Variants in ITGBL1 observed in about 807,000 individuals in gnomAD.
The protein encoded by ITGBL1 is integrin beta-like protein 1.
In ITGBL1, 51 loss-of-function variants were observed where a neutral mutation model predicts 68.5. The ratio of observed to expected loss-of-function variants is 0.74; its 90% confidence interval spans 0.59 to 0.94. The LOEUF (loss-of-function observed/expected upper bound fraction) is 0.94. Ranked by LOEUF, ITGBL1 falls within the 40% of genes least tolerant of loss-of-function variation. ITGBL1 has a pLI of 0.00. For missense variants in ITGBL1, 649 were observed against 647.4 expected, an observed-to-expected ratio of 1.00 and a Z score of -0.03; for synonymous variants, 209 against 227.3, an observed-to-expected ratio of 0.92 and a Z score of 0.72.
At chr13:101,646,727 A>G (rs1312596028) in intron 7 of ITGBL1, among the ~76,000 whole-genome samples, 8 of 152,158 alleles carry the variant, frequency 5.3e-5, no homozygotes, top group African/African-American at 1.2e-4. Flanking sequence ...AAAATCTAAT[A>G]AGAGAATTAA....
Position 101,551,996 on chromosome 13 carries a change from A to G in ITGBL1, c.317-15703A>G, listed in dbSNP as rs1248954072. Among the ~76,000 whole-genome samples, 4 of 152,054 alleles carry G rather than the reference A, an allele frequency of 2.6e-5. No individual in the cohort carries two copies. The East Asian group carries it at 7.7e-4, about 29-fold the overall frequency. ...GAACTGATCATATTTTCATGGGAAG[A>G]TATTCCTTTTTGTCGAAGTGATTTC... is the stretch of plus-strand genomic sequence containing the variant. On this transcript the variant is annotated intron_variant, in intron 2 of 10. Coordinates refer to ENST00000376180, the MANE Select transcript of ITGBL1 (RefSeq NM_004791.3).
intron 7 of ITGBL1, among the ~76,000 whole-genome samples, chr13:101,605,060 G>A (rs1405395918): frequency 7.0e-6 from 1 of 142,640 alleles, no homozygotes; most frequent in East Asian, 2.1e-4. Context: ...GTGTATATGT[G>A]TATATGTGTA....
At chr13:101,658,931 C>G (rs2033006011) in intron 7 of ITGBL1, among the ~76,000 whole-genome samples, 1 of 151,714 alleles carries the variant, frequency 6.6e-6, no homozygotes, top group South Asian at 2.1e-4. Flanking sequence ...AACTTTGACA[C>G]CATGGTGTAC....
rs374252386 is a variant in ITGBL1, at chr13:101,714,448, T to A, written c.1290T>A (p.His430Gln). The change falls in exon 10 of 11, where the codon CAT becomes CAA. Residue 430 changes from histidine (H) to glutamine (Q), a missense_variant. Coordinates refer to ENST00000376180, the MANE Select transcript of ITGBL1 (RefSeq NM_004791.3). The stretch of plus-strand genomic sequence containing the variant: ...CCTTTGTAATTTCAGGTTCTTGTCA[T>A]TGTGGGAAGTGCATTTGTTCTGCTG... ...GILCSGKGSCHCGKCICSAEE... is the reference protein window; with the variant it reads ...GILCSGKGSCQCGKCICSAEE... The A allele has an allele frequency of 6.2e-7, 1 of 1,600,382 alleles. No homozygotes were observed. Among genetic ancestry groups the A allele is most frequent in the African/African-American group, 1.3e-5 (1 of 74,700 alleles).
At chr13:101,708,026 A>AACACACACAC (rs3062945) in intron 9 of ITGBL1, among the ~76,000 whole-genome samples, 57 of 144,438 alleles carry the variant, frequency 3.9e-4, no homozygotes, top group African/African-American at 4.6e-4. Flanking sequence ...CACACATGCA[A>AACACACACAC]ACACACACAC....
chr13:101,682,836 G>T (rs758341841), intron 7 of ITGBL1, among the ~76,000 whole-genome samples: 160 of 151,844 alleles, frequency 1.1e-3, no homozygotes, highest in Admixed American at 2.9e-3. Flanking sequence ...TATTAATATT[G>T]TCCTTTATAT....
At chr13:101,564,940 A>C (rs1252329139) in intron 2 of ITGBL1, among the ~76,000 whole-genome samples, 1 of 152,112 alleles carries the variant, frequency 6.6e-6, no homozygotes, top group Non-Finnish European at 1.5e-5. Flanking sequence ...CAGTATCATC[A>C]GAGCAGAGTT....
intron 7 of ITGBL1, among the ~76,000 whole-genome samples, chr13:101,668,313 AG>A (rs2033273672): frequency 6.6e-6 from 1 of 152,166 alleles, no homozygotes. Flanking sequence ...ACTGGAAGCC[AG>A]GGGGCAGAGG....
chr13:101,673,639 A>C (rs561527594), intron 7 of ITGBL1, among the ~76,000 whole-genome samples: 1 of 152,220 alleles, frequency 6.6e-6, no homozygotes, highest in African/African-American at 2.4e-5. Context: ...ATATTATTAC[A>C]TAAACTAGAA....
At chr13:101,697,485 T>G (rs1231978173) in intron 8 of ITGBL1, among the ~76,000 whole-genome samples, 2 of 152,210 alleles carry the variant, frequency 1.3e-5, no homozygotes, top group Non-Finnish European at 2.9e-5. Flanking sequence ...TTGCATTTTT[T>G]CATGTAAGAT....
At chr13:101,456,658 T>C (rs2048248279) in intron 2 of ITGBL1, among the ~76,000 whole-genome samples, 1 of 152,120 alleles carries the variant, frequency 6.6e-6, no homozygotes, top group African/African-American at 2.4e-5. Flanking sequence ...TTCATGCCTA[T>C]AATCCTAGCA....
At position 101,513,257 on chromosome 13, in the gene ITGBL1, T is replaced by C. The variant is rs548747584; in HGVS notation, c.317-54442T>C. On this transcript the variant is annotated intron_variant, in intron 2 of 10. Coordinates refer to ENST00000376180, the MANE Select transcript of ITGBL1 (RefSeq NM_004791.3). ...TAAAAATGAAAAAGTGTTGCCCCCA[T>C]AGTATGTAACAAATGCCTCTCAGGT... is the stretch of plus-strand genomic sequence containing the variant. 7.2e-5 allele frequency among the ~76,000 whole-genome samples: 11 copies of C among 152,160 alleles called. No individual in the cohort carries two copies. In the East Asian group the frequency reaches 2.1e-3, roughly 29 times the overall value.
intron 7 of ITGBL1, among the ~76,000 whole-genome samples, chr13:101,618,055 T>C (rs1367494576): frequency 6.6e-6 from 1 of 152,212 alleles, no homozygotes; most frequent in East Asian, 1.9e-4. Flanking sequence ...GTATTCACTT[T>C]AGTGAAATAA....
At chr13:101,532,837 T>G (rs1017424666) in intron 2 of ITGBL1, among the ~76,000 whole-genome samples, 1 of 152,194 alleles carries the variant, frequency 6.6e-6, no homozygotes, top group African/African-American at 2.4e-5. Flanking sequence ...CTAATATTAG[T>G]TTCAACTTTT....
intron 7 of ITGBL1, among the ~76,000 whole-genome samples, chr13:101,651,916 A>G (rs1206053211): frequency 6.6e-6 from 1 of 152,018 alleles, no homozygotes. Flanking sequence ...AGCACCACTC[A>G]TTAAGTAAGG....
chr13:101,487,940 C>G (rs1219310900), intron 2 of ITGBL1, among the ~76,000 whole-genome samples: 2 of 152,162 alleles, frequency 1.3e-5, no homozygotes, highest in Non-Finnish European at 2.9e-5. Context: ...GAAACTGGCA[C>G]AGGGGGCCTG....
intron 2 of ITGBL1, among the ~76,000 whole-genome samples, chr13:101,540,945 A>G (rs1566722925): frequency 7.9e-6 from 1 of 126,566 alleles, no homozygotes; most frequent in Non-Finnish European, 1.7e-5. Context: ...CAGCTTAAGG[A>G]GATTTTGGGT....
intron 2 of ITGBL1, among the ~76,000 whole-genome samples, chr13:101,464,623 T>C (rs1435905318): frequency 6.6e-6 from 1 of 152,252 alleles, no homozygotes; most frequent in East Asian, 1.9e-4. Flanking sequence ...TACCCATTTA[T>C]ATTTGGTATA....
intron 2 of ITGBL1, among the ~76,000 whole-genome samples, chr13:101,469,408 G>A (rs1222232096): frequency 1.3e-5 from 2 of 152,182 alleles, no homozygotes; most frequent in East Asian, 3.9e-4. Flanking sequence ...GTTGCCAGGC[G>A]CTGTGGCTCA....
Sources: gnomAD v4.1 joint callset for allele counts (sites outside exome capture counted in the v4.1 genomes callset) on GRCh38, gnomAD v4.1.1 for gene constraint, MANE v1.5 for transcripts, NCBI Gene and HGNC (gene_info 2026-07-23, HGNC 2026-07-21) for gene names.